Variants in SSPN observed in about 807,000 individuals in gnomAD.
SSPN encodes K-ras oncogene-associated protein.
Under a neutral mutation model 19.1 loss-of-function variants are expected in SSPN, and 15 were observed. The ratio of observed to expected loss-of-function variants is 0.78; its 90% CI spans 0.52 to 1.21. SSPN has a LOEUF of 1.21. SSPN is among the 50% of genes most tolerant of loss of function. The pLI, the probability that SSPN is intolerant of heterozygous loss-of-function variation, is 0.00. For missense variants in SSPN, 291 were observed against 314.0 expected (o/e 0.93, Z 0.55); for synonymous variants, 147 against 140.3 (o/e 1.05, Z -0.34).
chr12:26,171,463 A>C (rs1448136052), intron 1 of SSPN, among the ~76,000 whole-genome samples: 1 of 152,166 alleles, frequency 6.6e-6, no homozygotes, highest in Non-Finnish European at 1.5e-5. Flanking sequence ...ATAATACTAA[A>C]AATTGTTTGC....
At chr12:26,186,244 C>A (rs1427271414) in intron 1 of SSPN, among the ~76,000 whole-genome samples, 1 of 151,964 alleles carries the variant, frequency 6.6e-6, no homozygotes, top group African/African-American at 2.4e-5. Flanking sequence ...TTTGCAGGTG[C>A]TTGTGACCTG....
intron 1 of SSPN, chr12:26,180,038 G>C (rs1172912458): frequency 7.0e-6 from 1 of 142,386 alleles, no homozygotes; most frequent in South Asian, 2.2e-4. Context: ...TGTGTTGTTT[G>C]CTCATGGCAC....
At chr12:26,122,447 A>T in intron 1 of SSPN, 2 of 1,355,258 alleles carry the variant, frequency 1.5e-6, no homozygotes, top group Admixed American at 2.7e-5. Flanking sequence ...CAGCTGCAGA[A>T]GGCGAGAGGA....
chr12:26,206,381 A>G (rs1421953448), intron 1 of SSPN, among the ~76,000 whole-genome samples: 1 of 152,224 alleles, frequency 6.6e-6, no homozygotes, highest in African/African-American at 2.4e-5. Context: ...GTTGAACAAG[A>G]TGGTTCTCTC....
upstream of SSPN, among the ~76,000 whole-genome samples, chr12:26,194,132 A>C (rs1269100250): frequency 6.6e-6 from 1 of 152,096 alleles, no homozygotes; most frequent in Non-Finnish European, 1.5e-5. Context: ...AGATATAAAT[A>C]CCCCCAAAGT....
chr12:26,124,595 A>T, intron 1 of SSPN: 2 of 1,614,188 alleles, frequency 1.2e-6, no homozygotes, highest in Non-Finnish European at 1.7e-6. Context: ...GCAAAACAGA[A>T]ATCAGCATCA....
chr12:26,124,965 C>T, intron 1 of SSPN: 2 of 635,780 alleles, frequency 3.1e-6, no homozygotes, highest in Non-Finnish European at 5.7e-6. Flanking sequence ...CTCGCACACA[C>T]ACACGCACAC....
At chr12:26,178,017 G>C (rs1459764075) in intron 1 of SSPN, among the ~76,000 whole-genome samples, 1 of 152,198 alleles carries the variant, frequency 6.6e-6, no homozygotes, top group South Asian at 2.1e-4. Flanking sequence ...GGTCACCTGG[G>C]TTAGGTATTC....
chr12:26,230,634 G>A, intron 2 of SSPN, 77 bp from the exon 3 acceptor site: 1 of 1,503,416 alleles, frequency 6.7e-7, no homozygotes, highest in Non-Finnish European at 8.9e-7. Context: ...AAAAAGAACA[G>A]TTTTGATGAA....
intron 2 of SSPN, among the ~76,000 whole-genome samples, chr12:26,225,271 G>A (rs539456695): frequency 1.8e-4 from 27 of 152,156 alleles, no homozygotes; most frequent in African/African-American, 5.8e-4. Flanking sequence ...AAAAAATAAG[G>A]TGTGTTGGAA....
intron 1 of SSPN, among the ~76,000 whole-genome samples, chr12:26,219,208 G>A (rs562248971): frequency 6.6e-6 from 1 of 152,118 alleles, no homozygotes; most frequent in East Asian, 1.9e-4. Flanking sequence ...GAGGTTGTGT[G>A]AATGTCACAA....
At chr12:26,149,300 ACAT>A (rs1944511217) in intron 1 of SSPN, among the ~76,000 whole-genome samples, 1 of 152,236 alleles carries the variant, frequency 6.6e-6, no homozygotes, top group Admixed American at 6.5e-5. Context: ...GTATTTGTAT[ACAT>A]CTACAATTCC....
At chr12:26,201,672 C>G (rs1944887314) in intron 1 of SSPN, among the ~76,000 whole-genome samples, 1 of 151,558 alleles carries the variant, frequency 6.6e-6, no homozygotes, top group Admixed American at 6.6e-5. Context: ...TGGATATATT[C>G]AACTCAGAAA....
At chr12:26,228,772 T>G (rs1214012907) in intron 2 of SSPN, among the ~76,000 whole-genome samples, 1 of 152,182 alleles carries the variant, frequency 6.6e-6, no homozygotes. Context: ...ATTGTTCAAA[T>G]ATTCTTCCCC....
In SSPN at chr12:26,195,873, G is replaced by C. The variant is rs781518328; in HGVS notation, c.201G>C (p.Val67=). ...ALLQLALGIA[V]TVVGFLMASI... ...TGCAGCTGGCCCTGGGCATCGCCGT[G>C]ACCGTGGTGGGCTTCCTCATGGCGA... The change falls in exon 1 of 3, where the codon GTG becomes GTC. Residue 67 remains valine (V), a synonymous_variant. Transcript: ENST00000242729. The C allele has an allele frequency of 6.4e-7, 1 of 1,572,260 alleles. No homozygotes were observed.
rs1271998495 is a variant in SSPN at position 26,231,011 on chromosome 12, G to A, written c.667G>A (p.Val223Ile). The A allele has an allele frequency of 6.2e-7, 1 of 1,614,094 alleles. No homozygotes were observed. The highest frequency in any genetic ancestry group is 1.3e-5 in the African/African-American group (1 of 74,928). Reference sequence around the variant, plus strand: ...TGTGATGTGGAAACATAGGTACCAGGTCTTCTATGTGGGTGTCAGGATATG... The same window carrying A: ...TGTGATGTGGAAACATAGGTACCAGATCTTCTATGTGGGTGTCAGGATATG... ...CFVMWKHRYQ[V>I]FYVGVRICSL... The change falls in exon 3 of 3, where the codon GTC becomes ATC. Residue 223 changes from valine (V) to isoleucine (I), a missense_variant. Physicochemically the swap from Val to Ile is conservative, Grantham distance 29 (BLOSUM62 3). Coordinates refer to ENST00000242729, the MANE Select transcript of SSPN (RefSeq NM_005086.5).
At chr12:26,211,392 T>C (rs999488298) in intron 1 of SSPN, 3 of 152,210 alleles carry the variant, frequency 2.0e-5, no homozygotes, top group African/African-American at 7.2e-5. Flanking sequence ...CTTGGTTTTC[T>C]GTAAATTGAT....
At chr12:26,228,488 A>G (rs1945199511) in intron 2 of SSPN, among the ~76,000 whole-genome samples, 1 of 152,164 alleles carries the variant, frequency 6.6e-6, no homozygotes, top group South Asian at 2.1e-4. Context: ...AAACAGGTAG[A>G]GAAAACTCCA....
Position 26,195,916 on chromosome 12 carries a change from C to G in SSPN, c.244C>G (p.Leu82Val), listed in dbSNP as rs1158900234. The G allele has an allele frequency of 6.4e-7, 1 of 1,571,900 alleles. No homozygotes were observed. The highest frequency in any genetic ancestry group is 8.6e-7 in the Non-Finnish European group (1 of 1,161,954). ...FLMASISSSL[L>V]VRDTPFWAGI... is the part of the protein sequence containing the mutation. Reference sequence around the variant, plus strand: ...CATGGCGAGCATCAGCTCCTCCCTGCTAGTCAGGGACACTCCATTTTGGGC... The same window carrying G: ...CATGGCGAGCATCAGCTCCTCCCTGGTAGTCAGGGACACTCCATTTTGGGC... Residue 82 changes from leucine (L) to valine (V), a missense_variant, in exon 1 of 3, where the codon CTA becomes GTA. Coordinates refer to ENST00000242729, the MANE Select transcript of SSPN (RefSeq NM_005086.5).
Sources: gnomAD v4.1 joint callset for allele counts (sites outside exome capture counted in the v4.1 genomes callset) on GRCh38, gnomAD v4.1.1 for gene constraint, MANE v1.5 for transcripts, NCBI Gene and HGNC (gene_info 2026-07-23, HGNC 2026-07-21) for gene names.